The following ZNF407 variants were observed in gnomAD, a reference collection of about 807,000 sequenced individuals.
The protein encoded by ZNF407 is zinc finger protein 407.
ZNF407 carries 17 observed loss-of-function variants against 131.2 expected under a neutral mutation model. The ratio of observed to expected loss-of-function variants is 0.13; its 90% CI spans 0.09 to 0.19. The LOEUF is 0.19. Ranked by LOEUF, ZNF407 falls within the 10% of genes least tolerant of loss-of-function variation. The pLI, the probability that ZNF407 is intolerant of heterozygous loss-of-function variation, is 1.00. For synonymous variants in ZNF407, 1,156 were observed against 1,062.0 expected (o/e 1.09, Z -1.72); for missense variants, 2,681 against 2,830.6 (o/e 0.95, Z 1.20).
At chr18:75,007,035 T>C (rs1383516810) in intron 8 of ZNF407, among the ~76,000 whole-genome samples, 2 of 150,770 alleles carry the variant, frequency 1.3e-5, no homozygotes, top group Non-Finnish European at 2.9e-5. Context: ...CTCTTTTTCA[T>C]TTCAACTTTT....
At chr18:74,976,876 C>T (rs543463777) in intron 8 of ZNF407, among the ~76,000 whole-genome samples, 9 of 151,178 alleles carry the variant, frequency 6.0e-5, no homozygotes, top group African/African-American at 1.7e-4. Context: ...TTAACTAAAT[C>T]GAGAATTTTC....
At chr18:74,767,938 T>G (rs1969279151) in intron 3 of ZNF407, among the ~76,000 whole-genome samples, 1 of 151,766 alleles carries the variant, frequency 6.6e-6, no homozygotes, top group Non-Finnish European at 1.5e-5. Context: ...GTGCTGGGAT[T>G]ACAGGCGTGA....
intron 4 of ZNF407, among the ~76,000 whole-genome samples, chr18:74,869,264 T>C (rs1014441895): frequency 2.6e-5 from 4 of 152,220 alleles, no homozygotes; most frequent in African/African-American, 9.6e-5. Context: ...GCTTTTTACC[T>C]AACCTGAAGC....
chr18:74,615,360 C>G (rs909653305), intron 1 of ZNF407, among the ~76,000 whole-genome samples: 7 of 152,190 alleles, frequency 4.6e-5, no homozygotes, highest in Non-Finnish European at 8.8e-5. Flanking sequence ...CAAAAATTAG[C>G]TGCTTGTGGT....
intron 8 of ZNF407, among the ~76,000 whole-genome samples, chr18:74,929,238 G>A (rs1300665070): frequency 1.3e-5 from 2 of 152,074 alleles, no homozygotes; most frequent in South Asian, 2.1e-4. Flanking sequence ...GATTCGAGCC[G>A]CGCCAGCGCT....
Position 74,635,569 on chromosome 18 carries a change from A to G in ZNF407, c.4550A>G (p.Asn1517Ser), listed in dbSNP as rs1485361434. 3 of 1,613,972 alleles carry G rather than the reference A, an allele frequency of 1.9e-6. No homozygotes were observed. Among genetic ancestry groups the G allele is most frequent in the Non-Finnish European group, 2.5e-6 (3 of 1,179,864 alleles). ...CATGAGGAATTGCTGCGGGAGGTGAATAAGTATATAGTGGAAGACACTGAG... is the reference window on the plus strand; with the variant it reads ...CATGAGGAATTGCTGCGGGAGGTGAGTAAGTATATAGTGGAAGACACTGAG... Reference protein sequence around the residue: ...GQHEELLREVNKYIVEDTEQI... With the variant: ...GQHEELLREVSKYIVEDTEQI... Residue 1517 changes from asparagine to serine, a missense_variant, in exon 2 of 9, where the codon AAT becomes AGT. By Grantham distance (46) the Asn-to-Ser change is conservative. Around this residue, in one of 6 missense-constraint regions of ZNF407, gnomAD observed 213 missense variants for 332.2 expected, o/e 0.64. Transcript: ENST00000299687. This position sits in a 1 kb window ranked among gnomAD's most constrained non-coding sequence, Gnocchi z 4.7.
intron 1 of ZNF407, among the ~76,000 whole-genome samples, chr18:74,623,024 G>T (rs1983604543): frequency 7.3e-6 from 1 of 136,320 alleles, no homozygotes; most frequent in South Asian, 2.2e-4. Flanking sequence ...GTGAGTTGGT[G>T]TGTGAGTGCA....
Position 75,046,826 on chromosome 18 carries a change from CA to C in ZNF407, c.5429-16320del, listed in dbSNP as rs201435206. Among the ~76,000 whole-genome samples the C allele has an allele frequency of 3.4e-4, 51 of 151,938 alleles. 1 individual carries two copies. In the East Asian group the frequency reaches 9.9e-3, roughly 30 times the overall value. On this transcript the variant is annotated intron_variant, in intron 8 of 8. Coordinates refer to ENST00000299687, the MANE Select transcript of ZNF407 (RefSeq NM_017757.3). Reference sequence around the variant, plus strand: ...TGTGTTTTCTATGTAGATTCAAGCCCAAAAGTCTCTTGTCAGAATTTGGCAT... The same window carrying C: ...TGTGTTTTCTATGTAGATTCAAGCCCAAAGTCTCTTGTCAGAATTTGGCAT...
chr18:74,975,045 T>C (rs1427667934), intron 8 of ZNF407, among the ~76,000 whole-genome samples: 1 of 152,206 alleles, frequency 6.6e-6, no homozygotes, highest in Non-Finnish European at 1.5e-5. Flanking sequence ...TCATGCAGGA[T>C]TTTGTCTTAA....
Position 74,633,511 on chromosome 18 carries a change from A to G in ZNF407, c.2492A>G (p.Asp831Gly), listed in dbSNP as rs767866143. The G allele has an allele frequency of 6.2e-7, 1 of 1,614,020 alleles. No homozygotes were observed. The highest frequency in any genetic ancestry group is 8.5e-7 in the Non-Finnish European group (1 of 1,179,888). ...LSQSGGSTKD[D>G]ELASTTTPKR... ...CAGTCTGGTGGTAGCACCAAAGATG[A>G]TGAATTAGCTTCAACCACTACTCCA... is the stretch of plus-strand genomic sequence containing the variant. The change falls in exon 2 of 9, where the codon GAT becomes GGT. Residue 831 changes from aspartate (D) to glycine (G), a missense_variant. Transcript: ENST00000299687.
chr18:74,727,080 A>G (rs534656157), intron 3 of ZNF407, among the ~76,000 whole-genome samples: 3 of 152,342 alleles, frequency 2.0e-5, no homozygotes, highest in East Asian at 1.9e-4. Context: ...TTGGGTTTCT[A>G]TTATGTGCCA....
intron 8 of ZNF407, among the ~76,000 whole-genome samples, chr18:75,055,588 A>G (rs1568313463): frequency 1.3e-5 from 2 of 152,112 alleles, no homozygotes; most frequent in Admixed American, 6.5e-5. Flanking sequence ...AAGGTAAAAT[A>G]TTGTCTTTTG....
intron 8 of ZNF407, among the ~76,000 whole-genome samples, chr18:75,027,833 G>C (rs1358256904): frequency 6.6e-6 from 1 of 152,198 alleles, no homozygotes; most frequent in African/African-American, 2.4e-5. Flanking sequence ...GAAGGAAACA[G>C]TGGGCTTCCA....
intron 3 of ZNF407, among the ~76,000 whole-genome samples, chr18:74,658,792 T>C (rs1985589370): frequency 6.6e-6 from 1 of 152,174 alleles, no homozygotes; most frequent in South Asian, 2.1e-4. Flanking sequence ...GCTTGGAGTG[T>C]TCTCATAAAA....
intron 3 of ZNF407, among the ~76,000 whole-genome samples, chr18:74,775,420 T>C (rs1969448226): frequency 6.6e-6 from 1 of 152,228 alleles, no homozygotes; most frequent in African/African-American, 2.4e-5. Flanking sequence ...TTCGTGACTG[T>C]TTCTTGGACT....
At chr18:74,878,616 A>AGATAGGG (rs1405008442) in intron 5 of ZNF407, among the ~76,000 whole-genome samples, 2 of 152,110 alleles carry the variant, frequency 1.3e-5, no homozygotes, top group African/African-American at 4.8e-5. Context: ...CCATAATGAG[A>AGATAGGG]GATAGGGGAC....
intron 8 of ZNF407, among the ~76,000 whole-genome samples, chr18:74,931,581 T>C (rs766392002): frequency 6.6e-6 from 1 of 152,166 alleles, no homozygotes; most frequent in Admixed American, 6.5e-5. Context: ...TAAGATTCTG[T>C]GAATATAAGA....
intron 4 of ZNF407, among the ~76,000 whole-genome samples, chr18:74,793,121 G>C (rs904661604): frequency 1.3e-5 from 2 of 152,158 alleles, no homozygotes; most frequent in African/African-American, 4.8e-5. Flanking sequence ...CCAGAATGTG[G>C]ATCTCAGTAT....
At position 74,814,814 on chromosome 18, in the gene ZNF407, T is replaced by C. The variant is rs1374040482; in HGVS notation, c.4877+33312T>C. Reference sequence around the variant, plus strand: ...GTGTATTTGTTAGGCATTAAAATAATATGAGTGGTCTCTATAGTACTTTCT... The same window carrying C: ...GTGTATTTGTTAGGCATTAAAATAACATGAGTGGTCTCTATAGTACTTTCT... On this transcript the variant is annotated intron_variant, in intron 4 of 8. Coordinates refer to ENST00000299687, the MANE Select transcript of ZNF407 (RefSeq NM_017757.3). 1.9e-4 allele frequency among the ~76,000 whole-genome samples: 29 copies of C among 152,078 alleles called. 1 individual carries two copies. Among genetic ancestry groups the C allele is most frequent in the Admixed American group, 1.9e-3 (29 of 15,272 alleles).
Sources: allele counts gnomAD v4.1 joint callset (sites outside exome capture counted in the v4.1 genomes callset), GRCh38; gene constraint gnomAD v4.1.1; regional missense constraint gnomAD v4.1.1; non-coding constraint Gnocchi (gnomAD v3.1); transcripts MANE v1.5; gene names NCBI Gene and HGNC (gene_info 2026-07-23, HGNC 2026-07-21).